The following KANSL1L variants were observed in gnomAD, a reference collection of about 807,000 sequenced individuals.
The protein encoded by KANSL1L is KAT8 regulatory NSL complex subunit 1 like, also known as KAT8 regulatory NSL complex subunit 1-like protein.
In KANSL1L, 25 loss-of-function variants were observed where a neutral mutation model predicts 108.6. That is an observed-to-expected ratio of 0.23 (90% CI 0.17 to 0.32). The LOEUF (loss-of-function observed/expected upper bound fraction) is 0.32, where lower values mean the gene tolerates loss of function less well. Among genes scored for constraint, KANSL1L ranks in the 10% least tolerant of loss-of-function variants. The pLI is 1.00. For synonymous variants in KANSL1L, 405 were observed against 395.1 expected (o/e 1.03, Z -0.30); for missense variants, 1,137 against 1,125.7 (o/e 1.01, Z -0.14).
At chr2:210,134,419 G>T (rs912561122) in intron 2 of KANSL1L, among the ~76,000 whole-genome samples, 4 of 151,832 alleles carry the variant, frequency 2.6e-5, no homozygotes, top group African/African-American at 9.7e-5. Context: ...ATACACACAT[G>T]TGCACATACA....
rs930123939 is a variant in KANSL1L, at chr2:210,170,266, G to A, written c.-30+883C>T. On this transcript the variant is annotated intron_variant, in intron 1 of 14. Transcript: ENST00000281772. ...AGCAAACTGGCTAAAGACGAAGGAA[G>A]TTTGTCTCCTAAACCTCGCCAGAAC... is the stretch of plus-strand genomic sequence containing the variant. 11 of 665,134 alleles carry A rather than the reference G, an allele frequency of 1.7e-5. No homozygotes were observed. In the African/African-American group the frequency reaches 2.2e-4, roughly 13 times the overall value. The allele number at this position is 665,134 out of a possible 1,614,324, so 41.2% of individuals were successfully genotyped here.
chr2:210,067,615 A>G (rs1232139295), intron 6 of KANSL1L, among the ~76,000 whole-genome samples: 2 of 145,844 alleles, frequency 1.4e-5, no homozygotes, highest in Non-Finnish European at 3.0e-5. Context: ...AGGTGGGGGT[A>G]TTGTTTGAGA....
At chr2:210,103,539 T>A (rs1014214516) in intron 4 of KANSL1L, among the ~76,000 whole-genome samples, 6 of 152,268 alleles carry the variant, frequency 3.9e-5, no homozygotes, top group African/African-American at 1.4e-4. Context: ...AAATAAATTG[T>A]TGGATTTCCA....
At chr2:210,049,750 G>C (rs2094268384) in intron 6 of KANSL1L, among the ~76,000 whole-genome samples, 1 of 152,192 alleles carries the variant, frequency 6.6e-6, no homozygotes, top group Admixed American at 6.5e-5. Flanking sequence ...CTTGTTGTGA[G>C]AAAAGATATT....
At position 210,039,937 on chromosome 2, in the gene KANSL1L, T is replaced by C. The variant is rs149402978; in HGVS notation, c.2029+483A>G. Among the ~76,000 whole-genome samples, 42 of 152,014 alleles carry C rather than the reference T, an allele frequency of 2.8e-4. No individual in the cohort carries two copies. The East Asian group carries it at 7.9e-3, about 29-fold the overall frequency. ...TCTTAAATATAAACAAAATAGATTCTACATTATTATAGATTTTTGTCATGT... is the reference window on the plus strand; with the variant it reads ...TCTTAAATATAAACAAAATAGATTCCACATTATTATAGATTTTTGTCATGT... On this transcript the variant is annotated intron_variant, in intron 8 of 14. Coordinates refer to ENST00000281772, the MANE Select transcript of KANSL1L (RefSeq NM_152519.4).
intron 11 of KANSL1L, among the ~76,000 whole-genome samples, chr2:210,027,857 AAT>A (rs1559496199): frequency 6.6e-6 from 1 of 152,208 alleles, no homozygotes; most frequent in Non-Finnish European, 1.5e-5. Context: ...CATAGCCACA[AAT>A]GTTATTACTT....
At chr2:210,030,533 TACTGTG>T (rs893421698) in intron 9 of KANSL1L, among the ~76,000 whole-genome samples, 8 of 120,938 alleles carry the variant, frequency 6.6e-5, no homozygotes, top group African/African-American at 2.3e-4. Flanking sequence ...GGTTCCCAGT[TACTGTG>T]TGTGTGTGTG....
At chr2:210,160,743 AT>A (rs1291994744) in intron 1 of KANSL1L, among the ~76,000 whole-genome samples, 1 of 152,198 alleles carries the variant, frequency 6.6e-6, no homozygotes, top group Non-Finnish European at 1.5e-5. Context: ...CCTCAAACTG[AT>A]TTATAAGTTT....
intron 8 of KANSL1L, among the ~76,000 whole-genome samples, chr2:210,034,704 A>G (rs76881406): frequency 0.011 from 1,707 of 152,336 alleles, 41 homozygotes; most frequent in African/African-American, 0.039. Flanking sequence ...AAGGAACTCA[A>G]ACACATAAGA....
At chr2:210,092,044 T>C (rs2094696946) in intron 5 of KANSL1L, among the ~76,000 whole-genome samples, 1 of 152,250 alleles carries the variant, frequency 6.6e-6, no homozygotes, top group Admixed American at 6.5e-5. Flanking sequence ...CGTCTAACTA[T>C]GTTTCAATTA....
intron 12 of KANSL1L, 61 bp from the exon 13 acceptor site, chr2:210,025,277 C>G (rs1163059624): frequency 1.9e-6 from 2 of 1,055,988 alleles, no homozygotes; most frequent in Non-Finnish European, 2.9e-6. Context: ...TAAGATCAGG[C>G]TGGGCACGGT....
chr2:210,068,394 C>T (rs1164490587), intron 6 of KANSL1L, among the ~76,000 whole-genome samples: 1 of 151,978 alleles, frequency 6.6e-6, no homozygotes, highest in African/African-American at 2.4e-5. Flanking sequence ...ATGCAAATCT[C>T]TTCAGTCAGT....
intron 8 of KANSL1L, among the ~76,000 whole-genome samples, chr2:210,034,206 G>A (rs1049957982): frequency 6.6e-6 from 1 of 152,160 alleles, no homozygotes; most frequent in African/African-American, 2.4e-5. Context: ...TCGTTTACAG[G>A]TGTTAAGGAA....
chr2:210,034,556 G>C (rs1406528610), intron 8 of KANSL1L, among the ~76,000 whole-genome samples: 2 of 152,156 alleles, frequency 1.3e-5, no homozygotes, highest in African/African-American at 4.8e-5. Flanking sequence ...GGATGGGGTG[G>C]GGAGCAGGTG....
chr2:210,045,587 C>A (rs1575409694), intron 6 of KANSL1L, among the ~76,000 whole-genome samples: 2 of 152,300 alleles, frequency 1.3e-5, no homozygotes, highest in East Asian at 3.9e-4. Flanking sequence ...TTCCCTACTT[C>A]CATGTGGGAT....
At chr2:210,087,557 A>G (rs1034106076) in intron 5 of KANSL1L, among the ~76,000 whole-genome samples, 4 of 152,208 alleles carry the variant, frequency 2.6e-5, no homozygotes, top group African/African-American at 9.6e-5. Context: ...AATGCTGAGT[A>G]TGGGCAAGAA....
chr2:210,171,605 C>T (rs1015520979), upstream of KANSL1L: 8 of 152,398 alleles, frequency 5.2e-5, no homozygotes, highest in African/African-American at 1.9e-4. Flanking sequence ...GGGACGGGTT[C>T]CGTGCAGCTC....
At chr2:210,053,937 TAGTC>T (rs1275646294) in intron 6 of KANSL1L, among the ~76,000 whole-genome samples, 5 of 152,098 alleles carry the variant, frequency 3.3e-5, no homozygotes, top group African/African-American at 4.8e-5. Context: ...AGGATATAGT[TAGTC>T]AGTTTACAGA....
chr2:210,054,132 C>T (rs745691409), intron 6 of KANSL1L, among the ~76,000 whole-genome samples: 3 of 151,754 alleles, frequency 2.0e-5, no homozygotes, highest in African/African-American at 7.3e-5. Context: ...CTGGCTAACA[C>T]GGTGAAACCC....
Sources: allele counts gnomAD v4.1 joint callset (sites outside exome capture counted in the v4.1 genomes callset), GRCh38; gene constraint gnomAD v4.1.1; transcripts MANE v1.5; gene names NCBI Gene and HGNC (gene_info 2026-07-23, HGNC 2026-07-21).